The following ZNF438 variants were observed in gnomAD, a reference collection of about 807,000 sequenced individuals.
ZNF438 encodes zinc finger protein 438.
ZNF438 carries 25 observed loss-of-function variants against 38.0 expected under a neutral mutation model. That is an observed-to-expected ratio of 0.66 (90% CI 0.48 to 0.92). The LOEUF is 0.92. Among genes scored for constraint, ZNF438 ranks in the 40% least tolerant of loss-of-function variants. The pLI, the probability that ZNF438 is intolerant of heterozygous loss-of-function variation, is 0.00. For missense variants in ZNF438, 1,007 were observed against 999.6 expected (o/e 1.01, Z -0.10); for synonymous variants, 372 against 364.1 (o/e 1.02, Z -0.25).
intron 2 of ZNF438, among the ~76,000 whole-genome samples, chr10:30,922,169 A>G (rs1169462286): frequency 6.6e-6 from 1 of 152,168 alleles, no homozygotes; most frequent in Non-Finnish European, 1.5e-5. Context: ...CTATACTCTT[A>G]TTAGTGTTAA....
intron 1 of ZNF438, among the ~76,000 whole-genome samples, chr10:30,972,721 C>T (rs2050882690): frequency 6.6e-6 from 1 of 152,160 alleles, no homozygotes; most frequent in Non-Finnish European, 1.5e-5. Context: ...AGAGAGAAAG[C>T]AGCCTCATAC....
intron 1 of ZNF438, among the ~76,000 whole-genome samples, chr10:31,009,489 A>T (rs2055456498): frequency 6.6e-6 from 1 of 152,218 alleles, no homozygotes; most frequent in Non-Finnish European, 1.5e-5. Context: ...AGTTATACCA[A>T]GGATAGTTCA....
rs576908747 is a variant in ZNF438 at position 30,865,859 on chromosome 10, T to G, written c.37+11139A>C. Among the ~76,000 whole-genome samples, 6 of 152,330 alleles carry G rather than the reference T, an allele frequency of 3.9e-5. No individual in the cohort carries two copies. The South Asian group carries it at 1.2e-3, about 32-fold the overall frequency. On this transcript the variant is annotated intron_variant, in intron 4 of 5. Coordinates refer to ENST00000413025, the Ensembl canonical transcript of ZNF438. ...GCCTTCCTGGCCGTAGTTTCCTCTCTTTAGCAAGAGGGGATTAGATTAGAT... is the reference window on the plus strand; with the variant it reads ...GCCTTCCTGGCCGTAGTTTCCTCTCGTTAGCAAGAGGGGATTAGATTAGAT...
At chr10:30,873,638 G>C (rs2037849698) in intron 4 of ZNF438, among the ~76,000 whole-genome samples, 1 of 152,156 alleles carries the variant, frequency 6.6e-6, no homozygotes, top group African/African-American at 2.4e-5. Context: ...TACAGCATTA[G>C]TCATGCTTTA....
chr10:30,939,133 C>T (rs911813082), intron 2 of ZNF438, among the ~76,000 whole-genome samples: 1 of 152,130 alleles, frequency 6.6e-6, no homozygotes, highest in African/African-American at 2.4e-5. Context: ...CACTTCCTAG[C>T]CCTTAGCATT....
At chr10:30,962,595 C>T (rs2049615933) in intron 1 of ZNF438, among the ~76,000 whole-genome samples, 1 of 147,472 alleles carries the variant, frequency 6.8e-6, no homozygotes, top group African/African-American at 2.4e-5. Context: ...ATTGCTCCCA[C>T]TTTTCCTAAA....
chr10:30,906,113 T>C (rs2042556714), intron 3 of ZNF438, among the ~76,000 whole-genome samples: 1 of 152,206 alleles, frequency 6.6e-6, no homozygotes, highest in Admixed American at 6.5e-5. Context: ...CAGCTGAAAT[T>C]TTCATAGAGA....
chr10:30,932,844 A>T (rs2045845638), intron 2 of ZNF438, among the ~76,000 whole-genome samples: 1 of 152,160 alleles, frequency 6.6e-6, no homozygotes, highest in Non-Finnish European at 1.5e-5. Flanking sequence ...AGAGGAGGAA[A>T]ATTTGGATGT....
intron 1 of ZNF438, among the ~76,000 whole-genome samples, chr10:31,017,965 TA>T (rs1218949144): frequency 1.3e-5 from 2 of 152,256 alleles, no homozygotes; most frequent in Non-Finnish European, 2.9e-5. Flanking sequence ...CAGCCACAGC[TA>T]ACATGTCATG....
chr10:30,845,548 C>T (rs751674707), exon 6 of ZNF438: 2 of 1,612,310 alleles, frequency 1.2e-6, no homozygotes, highest in African/African-American at 2.7e-5. Flanking sequence ...AGAAGGAAGT[C>T]TTCTTCCAGG....
intron 4 of ZNF438, among the ~76,000 whole-genome samples, chr10:30,857,150 T>C (rs2034783200): frequency 6.6e-6 from 1 of 152,192 alleles, no homozygotes; most frequent in South Asian, 2.1e-4. Flanking sequence ...GGCAGGGGGA[T>C]TATATGTAAA....
intron 3 of ZNF438, among the ~76,000 whole-genome samples, chr10:30,901,309 A>C (rs1195432721): frequency 6.6e-6 from 1 of 152,236 alleles, no homozygotes; most frequent in Non-Finnish European, 1.5e-5. Context: ...TTAAGTTGCC[A>C]ATGTGGCTTT....
chr10:30,885,961 G>A (rs2039898969), intron 3 of ZNF438, among the ~76,000 whole-genome samples: 1 of 152,162 alleles, frequency 6.6e-6, no homozygotes, highest in Non-Finnish European at 1.5e-5. Context: ...CGTAACTCCA[G>A]TGGACAGGAC....
At chr10:30,949,878 A>T (rs2047950648) in intron 1 of ZNF438, among the ~76,000 whole-genome samples, 1 of 152,170 alleles carries the variant, frequency 6.6e-6, no homozygotes, top group Admixed American at 6.5e-5. Context: ...AATTGAACTC[A>T]GCTCTGCACC....
chr10:30,864,919 C>T (rs2036176911), intron 4 of ZNF438, among the ~76,000 whole-genome samples: 1 of 152,194 alleles, frequency 6.6e-6, no homozygotes, highest in Non-Finnish European at 1.5e-5. Flanking sequence ...AAGTCCTTCA[C>T]CAATTCTTGG....
intron 4 of ZNF438, among the ~76,000 whole-genome samples, chr10:30,858,408 A>G (rs1006687917): frequency 6.6e-6 from 1 of 152,196 alleles, no homozygotes; most frequent in Non-Finnish European, 1.5e-5. Context: ...GTCTCATAAC[A>G]CAAGGGAGTG....
intron 1 of ZNF438, among the ~76,000 whole-genome samples, chr10:30,947,010 C>T (rs371091791): frequency 5.9e-5 from 9 of 152,312 alleles, no homozygotes; most frequent in African/African-American, 1.4e-4. Flanking sequence ...TTATCTATTT[C>T]CTCCTTCCTG....
chr10:30,873,830 C>T (rs570525417), intron 4 of ZNF438, among the ~76,000 whole-genome samples: 5 of 152,220 alleles, frequency 3.3e-5, no homozygotes, highest in East Asian at 1.9e-4. Context: ...TATGTTAGTA[C>T]AGCATATTTT....
chr10:30,933,452 T>C (rs1300386060), intron 2 of ZNF438, among the ~76,000 whole-genome samples: 1 of 152,144 alleles, frequency 6.6e-6, no homozygotes, highest in Non-Finnish European at 1.5e-5. Context: ...ACAAGCAATT[T>C]ATGCTTTAAA....
Sources: gnomAD v4.1 joint callset for allele counts (sites outside exome capture counted in the v4.1 genomes callset) on GRCh38, gnomAD v4.1.1 for gene constraint, MANE v1.5 for transcripts, NCBI Gene and HGNC (gene_info 2026-07-23, HGNC 2026-07-21) for gene names.